Variants in LRRTM3 observed in about 807,000 individuals in gnomAD.
LRRTM3 encodes the protein leucine-rich repeat transmembrane neuronal protein 3.
Under a neutral mutation model 44.7 loss-of-function variants are expected in LRRTM3, and 24 were observed. The observed-to-expected ratio is 0.54, with a 90% CI of 0.39 to 0.76. LRRTM3 has a LOEUF of 0.76. Among genes scored for constraint, LRRTM3 ranks in the 30% least tolerant of loss-of-function variants. LRRTM3 has a pLI of 0.00. For synonymous variants in LRRTM3, 277 were observed against 278.7 expected (o/e 0.99, Z 0.06); for missense variants, 587 against 702.2 (o/e 0.84, Z 1.85).
Position 66,928,189 on chromosome 10 carries a change from G to A in LRRTM3, c.1273G>A (p.Val425Met), listed in dbSNP as rs917501043. Residue 425 changes from valine to methionine, a missense_variant, in exon 2 of 3, where the codon GTG (valine) becomes ATG (methionine). Around this residue, in one of 3 missense-constraint regions of LRRTM3, gnomAD observed 315 missense variants for 335.6 expected, o/e 0.94. Transcript: ENST00000361320. ...TTTCCATAAAATCATCGCGGGCAGC[G>A]TGGCGCTTTTCCTGTCCGTGCTCGT... ...ISFHKIIAGS[V>M]ALFLSVLVIL... The A allele has an allele frequency of 1.2e-6, 2 of 1,613,954 alleles. No individual in the cohort carries two copies. The highest frequency in any genetic ancestry group is 1.7e-6 in the Non-Finnish European group (2 of 1,180,040).
intron 2 of LRRTM3, among the ~76,000 whole-genome samples, chr10:66,991,042 T>C (rs1476760062): frequency 6.6e-6 from 1 of 152,154 alleles, no homozygotes; most frequent in Non-Finnish European, 1.5e-5. Context: ...TTGCTAGTGG[T>C]ACAAGTCTTA....
chr10:66,996,500 T>C (rs573635807), intron 2 of LRRTM3, among the ~76,000 whole-genome samples: 59 of 151,932 alleles, frequency 3.9e-4, no homozygotes, highest in African/African-American at 1.4e-3. Context: ...CACAAGAAAC[T>C]AGCCGGGCGT....
intron 1 of LRRTM3, 70 bp from the exon 2 acceptor site, chr10:66,926,851 C>A: frequency 7.6e-7 from 1 of 1,311,970 alleles, no homozygotes. Context: ...AAATATATGC[C>A]TATTTTTGCT....
chr10:66,966,814 C>G (rs1849441240), intron 2 of LRRTM3, among the ~76,000 whole-genome samples: 1 of 152,026 alleles, frequency 6.6e-6, no homozygotes, highest in African/African-American at 2.4e-5. Context: ...TCAGTGTGCT[C>G]TCACATCTCC....
intron 2 of LRRTM3, among the ~76,000 whole-genome samples, chr10:66,977,205 G>A (rs1399492235): frequency 2.6e-5 from 4 of 152,046 alleles, no homozygotes; most frequent in African/African-American, 7.2e-5. Flanking sequence ...TTGGGAGGCC[G>A]AGGCAGGTGG....
At chr10:66,965,515 C>T (rs557035894) in intron 2 of LRRTM3, among the ~76,000 whole-genome samples, 2 of 140,082 alleles carry the variant, frequency 1.4e-5, no homozygotes, top group South Asian at 4.5e-4. Flanking sequence ...AGCCTGGCGA[C>T]AGAGCAAGAC....
intron 2 of LRRTM3, among the ~76,000 whole-genome samples, chr10:67,016,273 C>T (rs919052618): frequency 1.2e-4 from 18 of 152,218 alleles, no homozygotes; most frequent in African/African-American, 4.3e-4. Flanking sequence ...TGGAAATGTA[C>T]TGAGGAAGTT....
intron 2 of LRRTM3, among the ~76,000 whole-genome samples, chr10:66,963,845 A>AT (rs56659477): frequency 0.011 from 1,547 of 143,994 alleles, 24 homozygotes; most frequent in African/African-American, 0.036. Flanking sequence ...ATAGACATCA[A>AT]TTTTTTTTTT....
At chr10:67,000,866 C>A (rs1243720911) in intron 2 of LRRTM3, among the ~76,000 whole-genome samples, 5 of 151,958 alleles carry the variant, frequency 3.3e-5, no homozygotes, top group African/African-American at 1.2e-4. Flanking sequence ...GTATGTCTAG[C>A]CAAAGTCAAT....
chr10:66,988,387 C>A (rs150844182), intron 2 of LRRTM3, among the ~76,000 whole-genome samples: 1,594 of 152,208 alleles, frequency 0.01, 31 homozygotes, highest in African/African-American at 0.036. Flanking sequence ...TAAGCCAATA[C>A]AATGATTTTC....
intron 2 of LRRTM3, among the ~76,000 whole-genome samples, chr10:66,942,576 C>CTCTCTCTCTG (rs1400776459): frequency 2.8e-5 from 4 of 140,360 alleles, no homozygotes; most frequent in African/African-American, 1.1e-4. Context: ...CTCTCTCTCT[C>CTCTCTCTCTG]TGTGTGTGTG....
chr10:67,032,561 G>T (rs1414630089), intron 2 of LRRTM3, among the ~76,000 whole-genome samples: 1 of 152,138 alleles, frequency 6.6e-6, no homozygotes, highest in Non-Finnish European at 1.5e-5. Flanking sequence ...TTTTATGTTT[G>T]CCTCACATAC....
chr10:66,935,389 G>A (rs566756687), intron 2 of LRRTM3, among the ~76,000 whole-genome samples: 11 of 152,160 alleles, frequency 7.2e-5, no homozygotes, highest in South Asian at 2.1e-4. Flanking sequence ...AAAATTCAGC[G>A]CTTTGAGATT....
At chr10:66,972,637 C>G (rs1317539972) in intron 2 of LRRTM3, among the ~76,000 whole-genome samples, 2 of 149,630 alleles carry the variant, frequency 1.3e-5, no homozygotes, top group African/African-American at 4.9e-5. Context: ...AAGACATGAA[C>G]ATAAGCAAAC....
intron 2 of LRRTM3, among the ~76,000 whole-genome samples, chr10:67,012,102 T>C (rs576606219): frequency 6.6e-6 from 1 of 152,264 alleles, no homozygotes; most frequent in East Asian, 1.9e-4. Flanking sequence ...CAAACACAAC[T>C]CTCTCTGGCT....
chr10:66,967,904 T>C (rs11591465), intron 2 of LRRTM3, among the ~76,000 whole-genome samples: 26,300 of 152,074 alleles, frequency 0.17, 2,404 homozygotes, highest in Middle Eastern at 0.19. Context: ...TACTGAATAG[T>C]AATAAAATCT....
chr10:67,010,613 G>A lies in LRRTM3; in HGVS notation c.1536+82161G>A, dbSNP rs187113236. ...AGAAAACAGAAGCATCTTTACCACC[G>A]CCACCACCACTATCACTTCCAGCAA... is the stretch of plus-strand genomic sequence containing the variant. On this transcript the variant is annotated intron_variant, in intron 2 of 2. Coordinates refer to ENST00000361320, the MANE Select transcript of LRRTM3 (RefSeq NM_178011.5). Among the ~76,000 whole-genome samples, 604 of 152,226 alleles carry A rather than the reference G, an allele frequency of 4.0e-3. 2 individuals are homozygous for A. The highest frequency in any genetic ancestry group is 0.013 in the African/African-American group (558 of 41,534).
At chr10:66,956,805 G>T (rs1417334835) in intron 2 of LRRTM3, among the ~76,000 whole-genome samples, 4 of 152,202 alleles carry the variant, frequency 2.6e-5, no homozygotes, top group Non-Finnish European at 5.9e-5. Context: ...AACTGATGCA[G>T]TGACAGGCTC....
intron 2 of LRRTM3, among the ~76,000 whole-genome samples, chr10:67,089,175 G>A (rs975384492): frequency 6.6e-6 from 1 of 151,968 alleles, no homozygotes; most frequent in Non-Finnish European, 1.5e-5. Context: ...GATACTGAGG[G>A]AGGACTGTAC....
Sources: allele counts gnomAD v4.1 joint callset (sites outside exome capture counted in the v4.1 genomes callset), GRCh38; gene constraint gnomAD v4.1.1; regional missense constraint gnomAD v4.1.1; transcripts MANE v1.5; gene names NCBI Gene and HGNC (gene_info 2026-07-23, HGNC 2026-07-21).